The following BANK1 variants were observed in gnomAD, a reference collection of about 807,000 sequenced individuals.
BANK1 encodes the protein B-cell scaffold protein with ankyrin repeats.
Under a neutral mutation model 94.5 loss-of-function variants are expected in BANK1, and 95 were observed. The ratio of observed to expected loss-of-function variants is 1.00; its 90% CI spans 0.85 to 1.19. The LOEUF is 1.19. Among genes scored for constraint, BANK1 ranks in the 50% most tolerant of loss-of-function variants. The pLI is 0.00. For synonymous variants in BANK1, 334 were observed against 308.4 expected, an observed-to-expected ratio of 1.08 and a Z score of -0.87; for missense variants, 987 against 932.2, an observed-to-expected ratio of 1.06 and a Z score of -0.77.
chr4:101,935,650 C>G (rs1723503811), intron 7 of BANK1, among the ~76,000 whole-genome samples: 1 of 151,564 alleles, frequency 6.6e-6, no homozygotes, highest in Admixed American at 6.6e-5. Context: ...AATCTGTCAT[C>G]TTTCCCTCAA....
intron 3 of BANK1, among the ~76,000 whole-genome samples, chr4:101,856,156 G>A (rs569388116): frequency 6.6e-6 from 1 of 152,114 alleles, no homozygotes; most frequent in South Asian, 2.1e-4. Context: ...TGATGGAGGT[G>A]GAATATCCTG....
At chr4:101,876,189 A>G (rs72927189) in intron 5 of BANK1, among the ~76,000 whole-genome samples, 3,717 of 152,284 alleles carry the variant, frequency 0.024, 58 homozygotes, top group African/African-American at 0.045. Flanking sequence ...AACAGCAGTG[A>G]TATCCAGGTA....
At chr4:101,978,086 C>A (rs1393346842) in intron 7 of BANK1, among the ~76,000 whole-genome samples, 1 of 151,520 alleles carries the variant, frequency 6.6e-6, no homozygotes, top group Admixed American at 6.6e-5. Flanking sequence ...GCCTTAGCCT[C>A]CCGTGTAGCT....
chr4:101,940,735 G>T (rs979424933), intron 7 of BANK1, among the ~76,000 whole-genome samples: 2 of 151,776 alleles, frequency 1.3e-5, no homozygotes, highest in African/African-American at 2.4e-5. Flanking sequence ...GACCATGGAG[G>T]TGGAGGACCA....
At chr4:101,907,527 T>G (rs1288864679) in intron 6 of BANK1, among the ~76,000 whole-genome samples, 1 of 152,170 alleles carries the variant, frequency 6.6e-6, no homozygotes, top group Non-Finnish European at 1.5e-5. Context: ...CCACTCCTAT[T>G]CAACATAGTG....
chr4:101,857,423 C>A (rs34166099), intron 3 of BANK1, among the ~76,000 whole-genome samples: 32,540 of 152,160 alleles, frequency 0.21, 4,652 homozygotes, highest in Non-Finnish European at 0.29. Context: ...ATTTTTCCTG[C>A]TGCTGCCTCT....
intron 13 of BANK1, 67 bp from the exon 14 acceptor site, chr4:102,071,203 AAAAAT>A: frequency 6.6e-7 from 1 of 1,521,046 alleles, no homozygotes; most frequent in Non-Finnish European, 9.1e-7. Flanking sequence ...CAACAATTAA[AAAAAT>A]AAGAGAGAGA....
chr4:101,873,509 AT>A (rs974699334), intron 5 of BANK1, among the ~76,000 whole-genome samples: 3 of 152,194 alleles, frequency 2.0e-5, no homozygotes, highest in African/African-American at 7.2e-5. Flanking sequence ...TTGTATTATC[AT>A]TTTAAAAAAA....
At chr4:102,036,178 C>A (rs1354067415) in intron 10 of BANK1, among the ~76,000 whole-genome samples, 1 of 152,126 alleles carries the variant, frequency 6.6e-6, no homozygotes, top group Non-Finnish European at 1.5e-5. Context: ...ACTGAGTTGC[C>A]CTTGGCATTT....
In BANK1 at chr4:101,797,191, CA is replaced by C. The variant is rs530708459; in HGVS notation, c.70+6244del. On this transcript the variant is annotated intron_variant, in intron 1 of 16. Coordinates refer to ENST00000322953, the MANE Select transcript of BANK1 (RefSeq NM_017935.5). ...TCTTGCTAAACTTCAGTGACAGGAA[CA>C]AATTAATAAAGTTCAGATGTGATCA... is the stretch of plus-strand genomic sequence containing the variant. Among the ~76,000 whole-genome samples the C allele has an allele frequency of 7.3e-3, 1,110 of 152,114 alleles. 24 individuals are homozygous for C. Among genetic ancestry groups the C allele is most frequent in the African/African-American group, 0.025 (1,046 of 41,502 alleles).
At chr4:101,911,359 A>G (rs951300421) in intron 6 of BANK1, among the ~76,000 whole-genome samples, 3 of 152,216 alleles carry the variant, frequency 2.0e-5, no homozygotes, top group African/African-American at 7.2e-5. Context: ...TATTACAATG[A>G]ATAACTTATA....
At chr4:101,901,378 A>G (rs960451862) in intron 6 of BANK1, among the ~76,000 whole-genome samples, 1 of 152,194 alleles carries the variant, frequency 6.6e-6, no homozygotes, top group African/African-American at 2.4e-5. Context: ...TCCAGATAAA[A>G]CGTAGAACAG....
intron 7 of BANK1, among the ~76,000 whole-genome samples, chr4:101,947,150 G>T (rs1723956453): frequency 6.6e-6 from 1 of 151,426 alleles, no homozygotes; most frequent in South Asian, 2.1e-4. Flanking sequence ...CTAAATTTAT[G>T]ATCTCAGTAA....
At chr4:101,944,297 A>G (rs1723859700) in intron 7 of BANK1, among the ~76,000 whole-genome samples, 1 of 151,874 alleles carries the variant, frequency 6.6e-6, no homozygotes, top group African/African-American at 2.4e-5. Context: ...ATAGTGAATA[A>G]TAAAACATTC....
intron 7 of BANK1, among the ~76,000 whole-genome samples, chr4:101,936,023 C>G (rs550445698): frequency 6.0e-4 from 91 of 151,290 alleles, no homozygotes; most frequent in African/African-American, 2.0e-3. Context: ...CTTGAGTAAA[C>G]CCCGCACAGA....
chr4:101,961,558 T>A (rs947342833), intron 7 of BANK1, among the ~76,000 whole-genome samples: 1 of 152,224 alleles, frequency 6.6e-6, no homozygotes, highest in African/African-American at 2.4e-5. Context: ...TCATTGTCAG[T>A]TTCCCTGTTT....
At chr4:102,001,473 G>A (rs1305043661) in intron 7 of BANK1, among the ~76,000 whole-genome samples, 4 of 152,126 alleles carry the variant, frequency 2.6e-5, no homozygotes, top group African/African-American at 4.8e-5. Flanking sequence ...GGTGGCACAC[G>A]CCTGTAGTCC....
chr4:102,060,819 A>T (rs949127820), intron 12 of BANK1, among the ~76,000 whole-genome samples: 2 of 152,192 alleles, frequency 1.3e-5, no homozygotes, highest in Admixed American at 6.5e-5. Context: ...CTCCTTAAAC[A>T]TTTATTTTTA....
At chr4:101,962,952 T>G (rs1162029421) in intron 7 of BANK1, among the ~76,000 whole-genome samples, 5 of 152,146 alleles carry the variant, frequency 3.3e-5, no homozygotes, top group Admixed American at 2.6e-4. Flanking sequence ...GTGAGCATAC[T>G]CTCAAATTAA....
Sources: allele counts gnomAD v4.1 joint callset (sites outside exome capture counted in the v4.1 genomes callset), GRCh38; gene constraint gnomAD v4.1.1; transcripts MANE v1.5; gene names NCBI Gene and HGNC (gene_info 2026-07-23, HGNC 2026-07-21).